Variants in CADM2 observed in about 807,000 individuals in gnomAD.
CADM2 encodes cell adhesion molecule 2, also known as immunoglobulin superfamily member 4D.
In CADM2, 12 loss-of-function variants were observed where a neutral mutation model predicts 49.8. The ratio of observed to expected loss-of-function variants is 0.24; its 90% CI spans 0.15 to 0.39. The LOEUF (loss-of-function observed/expected upper bound fraction) is 0.39, where lower values mean the gene tolerates loss of function less well. Among genes scored for constraint, CADM2 ranks in the 10% least tolerant of loss-of-function variants. The pLI is 1.00. For missense variants in CADM2, 378 were observed against 492.3 expected (o/e 0.77, Z 2.20); for synonymous variants, 214 against 175.4 (o/e 1.22, Z -1.74).
chr3:85,049,904 T>C (rs1396189241), intron 1 of CADM2, among the ~76,000 whole-genome samples: 3 of 152,142 alleles, frequency 2.0e-5, no homozygotes, highest in Non-Finnish European at 4.4e-5. Flanking sequence ...ATACTCAGGC[T>C]GCTACATTTA....
In CADM2 at chr3:85,750,903, G is replaced by A. The variant is rs911573098; in HGVS notation, c.88+24355G>A. 1.3e-4 allele frequency among the ~76,000 whole-genome samples: 20 copies of A among 152,136 alleles called. No homozygotes were observed. The Middle Eastern group carries it at 0.01, about 78-fold the overall frequency. Reference sequence around the variant, plus strand: ...TTAGTGAGAACTTGGTTCATGAAAAGCAAACATTCATAACTTTCTTTCTTG... The same window carrying A: ...TTAGTGAGAACTTGGTTCATGAAAAACAAACATTCATAACTTTCTTTCTTG... On this transcript the variant is annotated intron_variant, in intron 2 of 9. Coordinates refer to ENST00000383699, the MANE Select transcript of CADM2 (RefSeq NM_001167675.2).
intron 1 of CADM2, among the ~76,000 whole-genome samples, chr3:85,011,603 A>G (rs1012315411): frequency 3.9e-5 from 6 of 152,334 alleles, no homozygotes; most frequent in African/African-American, 1.4e-4. Context: ...GAGTCAGTAG[A>G]ATTTAGCAAT....
chr3:85,030,745 TTG>T, intron 1 of CADM2, among the ~76,000 whole-genome samples: 1 of 152,310 alleles, frequency 6.6e-6, no homozygotes, highest in South Asian at 2.1e-4. Context: ...GTCTTCAATC[TTG>T]GCGTACACGA....
intron 1 of CADM2, among the ~76,000 whole-genome samples, chr3:85,103,075 C>T (rs1039077410): frequency 6.6e-6 from 1 of 152,046 alleles, no homozygotes; most frequent in African/African-American, 2.4e-5. Context: ...TGGAAATGCT[C>T]AGGAAAAATA....
intron 1 of CADM2, among the ~76,000 whole-genome samples, chr3:85,429,548 ATGGT>A (rs1325440713): frequency 2.6e-5 from 4 of 152,226 alleles, no homozygotes; most frequent in African/African-American, 9.6e-5. Context: ...ATAAAATGAA[ATGGT>A]TGGTTATATT....
chr3:85,999,266 A>ACG (rs1553720508), intron 8 of CADM2, among the ~76,000 whole-genome samples: 10 of 104,318 alleles, frequency 9.6e-5, no homozygotes, highest in Admixed American at 2.1e-4. Flanking sequence ...TGGGAGGCCG[A>ACG]GGGTTGGGGG....
intron 1 of CADM2, among the ~76,000 whole-genome samples, chr3:85,193,903 G>A (rs545495969): frequency 1.6e-4 from 25 of 152,162 alleles, no homozygotes; most frequent in East Asian, 1.2e-3. Flanking sequence ...CAATGCTGTC[G>A]TGCGGACATG....
At chr3:85,495,864 A>G (rs2039867129) in intron 1 of CADM2, among the ~76,000 whole-genome samples, 1 of 152,118 alleles carries the variant, frequency 6.6e-6, no homozygotes, top group Non-Finnish European at 1.5e-5. Flanking sequence ...CATCCTCATG[A>G]CAAAGACCTC....
intron 2 of CADM2, among the ~76,000 whole-genome samples, chr3:85,791,984 A>G (rs1029149784): frequency 2.6e-5 from 4 of 152,084 alleles, no homozygotes; most frequent in Non-Finnish European, 5.9e-5. Context: ...CGGCCTCCCA[A>G]AGTGCTGGGA....
chr3:85,361,704 T>A (rs988961188), intron 1 of CADM2, among the ~76,000 whole-genome samples: 1 of 152,188 alleles, frequency 6.6e-6, no homozygotes, highest in Non-Finnish European at 1.5e-5. Flanking sequence ...TCCTGAAATC[T>A]GCTTCTGGTC....
intron 1 of CADM2, among the ~76,000 whole-genome samples, chr3:85,438,132 T>C (rs2037019227): frequency 6.6e-6 from 1 of 152,096 alleles, no homozygotes; most frequent in South Asian, 2.1e-4. Context: ...TATTTATTTA[T>C]TGCTTACTAT....
At chr3:85,334,209 G>A (rs1006704062) in intron 1 of CADM2, among the ~76,000 whole-genome samples, 1 of 151,398 alleles carries the variant, frequency 6.6e-6, no homozygotes, top group African/African-American at 2.4e-5. Context: ...AGCAAATGCT[G>A]GATGATTTTC....
intron 1 of CADM2, among the ~76,000 whole-genome samples, chr3:85,339,091 T>C (rs1261985906): frequency 1.3e-5 from 2 of 151,570 alleles, no homozygotes; most frequent in Non-Finnish European, 3.0e-5. Flanking sequence ...CTGTGCAAAG[T>C]ATTTAACTCT....
At chr3:85,997,137 A>G (rs1385913320) in intron 8 of CADM2, among the ~76,000 whole-genome samples, 2 of 152,226 alleles carry the variant, frequency 1.3e-5, no homozygotes, top group Non-Finnish European at 2.9e-5. Context: ...GTTTTGTTTA[A>G]ATTATATTTG....
chr3:85,834,980 A>G (rs1375202370), intron 3 of CADM2, among the ~76,000 whole-genome samples: 1 of 151,626 alleles, frequency 6.6e-6, no homozygotes, highest in African/African-American at 2.4e-5. Flanking sequence ...ATGTGTGGCT[A>G]TATGTGAGTG....
chr3:84,982,702 C>A (rs1575967509), intron 1 of CADM2, among the ~76,000 whole-genome samples: 1 of 76,330 alleles, frequency 1.3e-5, no homozygotes. Flanking sequence ...AACTATAAAG[C>A]ATATATATAT....
intron 8 of CADM2, among the ~76,000 whole-genome samples, chr3:85,967,634 A>C (rs1725631568): frequency 6.6e-6 from 1 of 151,648 alleles, no homozygotes; most frequent in South Asian, 2.1e-4. Flanking sequence ...TCACAATACA[A>C]TGAAAAATGT....
chr3:85,390,417 T>A (rs1335800000), intron 1 of CADM2, among the ~76,000 whole-genome samples: 3 of 152,082 alleles, frequency 2.0e-5, no homozygotes, highest in Non-Finnish European at 4.4e-5. Context: ...ATTTCTGTCT[T>A]CATTGATGCT....
intron 1 of CADM2, among the ~76,000 whole-genome samples, chr3:85,031,584 G>A (rs1392205694): frequency 6.6e-6 from 1 of 152,132 alleles, no homozygotes; most frequent in Middle Eastern, 3.4e-3. Context: ...GCGCGATCTC[G>A]GCTCACTGCA....
Sources: gnomAD v4.1 joint callset for allele counts (sites outside exome capture counted in the v4.1 genomes callset) on GRCh38, gnomAD v4.1.1 for gene constraint, MANE v1.5 for transcripts, NCBI Gene and HGNC (gene_info 2026-07-23, HGNC 2026-07-21) for gene names.